Variants in AVEN observed in about 807,000 individuals in gnomAD.
AVEN encodes cell death regulator Aven.
Under a neutral mutation model 38.1 loss-of-function variants are expected in AVEN, and 41 were observed. The observed-to-expected ratio is 1.08, with a 90% CI of 0.84 to 1.40. AVEN has a LOEUF of 1.40. Ranked by LOEUF, AVEN falls within the 40% of genes most tolerant of loss-of-function variation. The probability of loss-of-function intolerance (pLI) is 0.00; values close to 1 mark genes in which losing one functional copy is unlikely to be tolerated. For synonymous variants in AVEN, 206 were observed against 171.8 expected (o/e 1.20, Z -1.56); for missense variants, 605 against 438.8 (o/e 1.38, Z -3.38).
At chr15:33,975,832 A>G (rs1380487095) in intron 2 of AVEN, among the ~76,000 whole-genome samples, 1 of 152,216 alleles carries the variant, frequency 6.6e-6, no homozygotes, top group Non-Finnish European at 1.5e-5. Context: ...CGGGAGGCTG[A>G]GGCAGAAGAA....
intron 2 of AVEN, among the ~76,000 whole-genome samples, chr15:33,922,899 T>C (rs1893455787): frequency 6.6e-6 from 1 of 152,204 alleles, no homozygotes; most frequent in East Asian, 1.9e-4. Flanking sequence ...CTGTAAAAAG[T>C]TCAATCAAAG....
Position 33,992,215 on chromosome 15 carries a change from G to A in AVEN, c.445+10817C>T, listed in dbSNP as rs372745787. 2.2e-4 allele frequency among the ~76,000 whole-genome samples: 34 copies of A among 152,252 alleles called. No individual in the cohort carries two copies. In the East Asian group the frequency reaches 2.7e-3, roughly 12 times the overall value. ...ATCCTGGCTAACAAGGTGAAACCCC[G>A]TCTCTACTAAAAAAATACAAAACAG... On this transcript the variant is annotated intron_variant, in intron 2 of 5. Coordinates refer to ENST00000306730, the MANE Select transcript of AVEN (RefSeq NM_020371.3).
chr15:33,876,535 G>T (rs1288547865), intron 2 of AVEN, among the ~76,000 whole-genome samples: 1 of 151,924 alleles, frequency 6.6e-6, no homozygotes, highest in Non-Finnish European at 1.5e-5. Context: ...TCATGCCACT[G>T]CACTCCAGCC....
chr15:33,994,933 C>G (rs923192485), intron 2 of AVEN, among the ~76,000 whole-genome samples: 10 of 152,010 alleles, frequency 6.6e-5, no homozygotes, highest in Admixed American at 2.0e-4. Context: ...TAGATTTAAC[C>G]AACCATAGAT....
At chr15:34,058,437 C>A (rs1025968174) in intron 5 of AVEN, among the ~76,000 whole-genome samples, 5 of 151,968 alleles carry the variant, frequency 3.3e-5, no homozygotes, top group African/African-American at 1.2e-4. Flanking sequence ...AGTCAACAAA[C>A]CTAAACTAAG....
At chr15:33,852,640 C>G in the AVEN span, 1 of 168,114 alleles carries the variant, frequency 5.9e-6, no homozygotes, top group Non-Finnish European at 1.3e-5. Context: ...TCGCCATTAT[C>G]TACCCCAGTA....
intron 1 of AVEN, among the ~76,000 whole-genome samples, chr15:34,035,522 C>T (rs569865235): frequency 3.9e-5 from 6 of 152,114 alleles, no homozygotes; most frequent in Non-Finnish European, 8.8e-5. Context: ...GGGTGGAATC[C>T]AGGCTCAGCA....
intron 2 of AVEN, among the ~76,000 whole-genome samples, chr15:33,983,198 GTGTA>G (rs1567447683): frequency 2.0e-4 from 9 of 45,312 alleles, no homozygotes; most frequent in African/African-American, 1.2e-3. Flanking sequence ...GTGTATGTGT[GTGTA>G]TATATATATA....
chr15:33,865,062 C>A, downstream of AVEN: 1 of 1,284,084 alleles, frequency 7.8e-7, no homozygotes, highest in Non-Finnish European at 1.1e-6. Context: ...CCACAAAGAA[C>A]AAAAACAAAC....
At chr15:33,860,496 C>CT (rs57641933) in intron 11 of AVEN, 70,140 of 529,946 alleles carry the variant, frequency 0.13, 1,173 homozygotes, top group East Asian at 0.34. Context: ...TGATAATTCA[C>CT]TTTTTTTTTT....
intron 1 of AVEN, among the ~76,000 whole-genome samples, chr15:34,022,549 G>GA (rs1375939587): frequency 6.6e-6 from 1 of 152,196 alleles, no homozygotes; most frequent in Non-Finnish European, 1.5e-5. Context: ...TACGCAGCAG[G>GA]AAGGGTACAC....
chr15:33,996,321 G>A (rs1264168844), intron 2 of AVEN, among the ~76,000 whole-genome samples: 1 of 152,226 alleles, frequency 6.6e-6, no homozygotes, highest in African/African-American at 2.4e-5. Context: ...GCTCTGAAGA[G>A]AGGTGTGGTT....
intron 5 of AVEN, among the ~76,000 whole-genome samples, chr15:34,054,082 C>G (rs1380250831): frequency 6.6e-6 from 1 of 152,068 alleles, no homozygotes; most frequent in African/African-American, 2.4e-5. Flanking sequence ...AAAAAAAACT[C>G]AACATCACTG....
chr15:33,854,397 C>T (rs762164986), downstream of AVEN: 13 of 1,573,490 alleles, frequency 8.3e-6, no homozygotes, highest in Non-Finnish European at 1.1e-5. Flanking sequence ...AGGCTAAGTT[C>T]CATAGACATG....
intron 1 of AVEN, among the ~76,000 whole-genome samples, chr15:34,071,010 A>G (rs2140856957): frequency 6.6e-6 from 1 of 152,280 alleles, no homozygotes; most frequent in African/African-American, 2.4e-5. Flanking sequence ...GCGTCTGTCC[A>G]AAAAGTCCTA....
At chr15:33,962,906 C>T (rs995402126) in intron 2 of AVEN, among the ~76,000 whole-genome samples, 1 of 132,194 alleles carries the variant, frequency 7.6e-6, no homozygotes, top group Non-Finnish European at 1.5e-5. Context: ...GGCGACACAG[C>T]GAAACTCGTT....
At chr15:34,056,483 C>G (rs1191881308) in intron 5 of AVEN, among the ~76,000 whole-genome samples, 2 of 152,236 alleles carry the variant, frequency 1.3e-5, no homozygotes, top group Non-Finnish European at 2.9e-5. Context: ...GTAATGTTCT[C>G]TACTGCAGAA....
intron 4 of AVEN, among the ~76,000 whole-genome samples, chr15:33,870,652 G>T (rs1423836171): frequency 1.3e-5 from 2 of 152,094 alleles, no homozygotes; most frequent in African/African-American, 4.8e-5. Context: ...CATAGAGCGT[G>T]ATGCGTAAAT....
intron 2 of AVEN, among the ~76,000 whole-genome samples, chr15:33,886,675 G>T (rs914951827): frequency 6.6e-6 from 1 of 152,196 alleles, no homozygotes; most frequent in Non-Finnish European, 1.5e-5. Flanking sequence ...CACCATGACT[G>T]TAAGTTTCCT....
Sources: gnomAD v4.1 joint callset for allele counts (sites outside exome capture counted in the v4.1 genomes callset) on GRCh38, gnomAD v4.1.1 for gene constraint, MANE v1.5 for transcripts, NCBI Gene and HGNC (gene_info 2026-07-23, HGNC 2026-07-21) for gene names.